Variants in SHISA9 observed in about 807,000 individuals in gnomAD.
SHISA9 encodes the protein protein shisa-9.
SHISA9 carries 13 observed loss-of-function variants against 38.0 expected under a neutral mutation model. The ratio of observed to expected loss-of-function variants is 0.34; its 90% CI spans 0.22 to 0.54. The LOEUF (loss-of-function observed/expected upper bound fraction) is 0.54. Ranked by LOEUF, SHISA9 falls within the 20% of genes least tolerant of loss-of-function variation. The pLI is 0.91. For missense variants in SHISA9, 538 were observed against 575.8 expected, an observed-to-expected ratio of 0.93 and a Z score of 0.67; for synonymous variants, 275 against 242.0, an observed-to-expected ratio of 1.14 and a Z score of -1.27.
chr16:13,269,763 A>G, the SHISA9 span, among the ~76,000 whole-genome samples: 287 of 152,342 alleles, frequency 1.9e-3, 1 homozygote, highest in African/African-American at 6.5e-3. Context: ...CAGTGGCTAC[A>G]GTAAGGCTGT....
chr16:13,244,026 C>T (rs1303125240), downstream of SHISA9, among the ~76,000 whole-genome samples: 1 of 152,106 alleles, frequency 6.6e-6, no homozygotes, highest in East Asian at 1.9e-4. Context: ...CCGCTTTGGC[C>T]TCCCAAAGTG....
chr16:12,917,159 G>A (rs2071269430), intron 2 of SHISA9, among the ~76,000 whole-genome samples: 1 of 152,122 alleles, frequency 6.6e-6, no homozygotes, highest in African/African-American at 2.4e-5. Flanking sequence ...GGATTATTGG[G>A]TTAGTTCATT....
At chr16:13,281,879 A>G in the SHISA9 span, among the ~76,000 whole-genome samples, 37 of 151,720 alleles carry the variant, frequency 2.4e-4, no homozygotes, top group African/African-American at 8.9e-4. Flanking sequence ...TTCCAACAGT[A>G]TAATTTCATT....
At chr16:13,424,891 C>G in the SHISA9 span, among the ~76,000 whole-genome samples, 34 of 152,276 alleles carry the variant, frequency 2.2e-4, no homozygotes, top group African/African-American at 7.7e-4. Context: ...ATCTTTGTTT[C>G]TTTACCCTCC....
chr16:13,142,759 G>A (rs1297446287), intron 2 of SHISA9, among the ~76,000 whole-genome samples: 1 of 152,050 alleles, frequency 6.6e-6, no homozygotes, highest in Non-Finnish European at 1.5e-5. Context: ...TGTTTCCATG[G>A]TGATACAGCA....
the SHISA9 span, among the ~76,000 whole-genome samples, chr16:13,289,471 G>T: frequency 0.028 from 4,197 of 152,114 alleles, 182 homozygotes; most frequent in African/African-American, 0.094. Flanking sequence ...ATTACTTTCA[G>T]TTGTGGGACA....
the SHISA9 span, among the ~76,000 whole-genome samples, chr16:13,561,903 G>A: frequency 6.6e-6 from 1 of 152,180 alleles, no homozygotes; most frequent in Non-Finnish European, 1.5e-5. Flanking sequence ...GTATTGGCTG[G>A]TATAGCTGGC....
the SHISA9 span, among the ~76,000 whole-genome samples, chr16:13,262,670 A>AAGGAAGGAAAGAAGGAAGGG: frequency 1.4e-5 from 1 of 70,668 alleles, no homozygotes; most frequent in African/African-American, 6.4e-5. Context: ...GGAAGGAAGG[A>AAGGAAGGAAAGAAGGAAGGG]AGGGAGGGAG....
the SHISA9 span, among the ~76,000 whole-genome samples, chr16:13,277,961 G>C: frequency 6.6e-6 from 1 of 151,944 alleles, no homozygotes; most frequent in African/African-American, 2.4e-5. Flanking sequence ...TGTTGAAGAG[G>C]AGTGGTGAGA....
At chr16:13,547,110 G>C in the SHISA9 span, among the ~76,000 whole-genome samples, 1 of 152,098 alleles carries the variant, frequency 6.6e-6, no homozygotes, top group Non-Finnish European at 1.5e-5. Context: ...ATTACTTTGG[G>C]AAATCATGCA....
intron 1 of SHISA9, among the ~76,000 whole-genome samples, chr16:12,913,653 T>A (rs930730691): frequency 9.2e-5 from 14 of 152,198 alleles, no homozygotes; most frequent in African/African-American, 3.4e-4. Flanking sequence ...CCATATCCAT[T>A]AGCAGCCACT....
chr16:13,475,986 C>T, the SHISA9 span, among the ~76,000 whole-genome samples: 2 of 152,158 alleles, frequency 1.3e-5, no homozygotes, highest in African/African-American at 2.4e-5. Context: ...AAAGATGAAG[C>T]TTTGCTTGCC....
At chr16:12,906,981 C>T (rs988207253) in intron 1 of SHISA9, among the ~76,000 whole-genome samples, 2 of 151,478 alleles carry the variant, frequency 1.3e-5, no homozygotes, top group African/African-American at 4.9e-5. Flanking sequence ...GTCATAGTTG[C>T]TTTATTGCTC....
chr16:12,981,353 C>T (rs1596563155), intron 2 of SHISA9, among the ~76,000 whole-genome samples: 2 of 152,368 alleles, frequency 1.3e-5, no homozygotes, highest in East Asian at 1.9e-4. Context: ...GCACTGTTTG[C>T]CCCAGGGCAA....
the SHISA9 span, among the ~76,000 whole-genome samples, chr16:13,534,794 C>G: frequency 6.6e-6 from 1 of 152,002 alleles, no homozygotes; most frequent in African/African-American, 2.4e-5. Flanking sequence ...CCTGATCTGT[C>G]TTCTCCCCTC....
At chr16:13,104,458 C>A (rs2073907553) in intron 2 of SHISA9, among the ~76,000 whole-genome samples, 2 of 152,038 alleles carry the variant, frequency 1.3e-5, no homozygotes, top group African/African-American at 4.8e-5. Context: ...AAATGTCAAT[C>A]AATTAGTAAA....
chr16:13,101,761 C>T (rs1567212595), intron 2 of SHISA9, among the ~76,000 whole-genome samples: 1 of 152,182 alleles, frequency 6.6e-6, no homozygotes, highest in Non-Finnish European at 1.5e-5. Context: ...ATAAGGGTTC[C>T]CTTTTCTCCA....
At chr16:13,513,957 C>CA in the SHISA9 span, among the ~76,000 whole-genome samples, 1 of 152,120 alleles carries the variant, frequency 6.6e-6, no homozygotes, top group Non-Finnish European at 1.5e-5. Context: ...AACAAACCTG[C>CA]ATGTGCTGCA....
At chr16:13,157,678 G>T (rs909409613) in intron 2 of SHISA9, among the ~76,000 whole-genome samples, 2 of 152,050 alleles carry the variant, frequency 1.3e-5, no homozygotes, top group Non-Finnish European at 2.9e-5. Context: ...CACATAAAAA[G>T]GGTCAGGGCA....
Sources: allele counts gnomAD v4.1 joint callset (sites outside exome capture counted in the v4.1 genomes callset), GRCh38; gene constraint gnomAD v4.1.1; transcripts MANE v1.5; gene names NCBI Gene and HGNC (gene_info 2026-07-23, HGNC 2026-07-21).